Variants in IL34 observed in about 807,000 individuals in gnomAD.
IL34 encodes the protein interleukin-34.
In IL34, 17 loss-of-function variants were observed where a neutral mutation model predicts 25.3. The ratio of observed to expected loss-of-function variants is 0.67; its 90% confidence interval spans 0.46 to 1.01. The LOEUF (loss-of-function observed/expected upper bound fraction) is 1.01, where lower values mean the gene tolerates loss of function less well. Among genes scored for constraint, IL34 ranks in the 50% least tolerant of loss-of-function variants. The probability of loss-of-function intolerance (pLI) is 0.00; values close to 1 mark genes in which losing one functional copy is unlikely to be tolerated. For synonymous variants in IL34, 174 were observed against 140.9 expected, an observed-to-expected ratio of 1.23 and a Z score of -1.66; for missense variants, 368 against 312.9, an observed-to-expected ratio of 1.18 and a Z score of -1.33.
chr16:70,608,516 C>G (rs907119303), intron 1 of IL34, among the ~76,000 whole-genome samples: 1 of 152,208 alleles, frequency 6.6e-6, no homozygotes, highest in African/African-American at 2.4e-5. Flanking sequence ...GTGCCCCCAG[C>G]ACATGGTGGG....
At chr16:70,629,537 C>T (rs187004178) in intron 1 of IL34, among the ~76,000 whole-genome samples, 158 of 152,162 alleles carry the variant, frequency 1.0e-3, no homozygotes, top group South Asian at 3.7e-3. Context: ...CTACTTACAC[C>T]CTCCTGTGTA....
intron 1 of IL34, among the ~76,000 whole-genome samples, chr16:70,591,051 G>A (rs745945136): frequency 1.3e-5 from 2 of 152,212 alleles, no homozygotes; most frequent in African/African-American, 2.4e-5. Context: ...GCACTGTGGG[G>A]ACCATGCCAA....
At chr16:70,618,793 A>T (rs529327833) in intron 1 of IL34, among the ~76,000 whole-genome samples, 4 of 152,214 alleles carry the variant, frequency 2.6e-5, no homozygotes, top group South Asian at 2.1e-4. Context: ...CAGATGAGGA[A>T]GAAATTTGGG....
At chr16:70,592,421 C>A (rs1410957165) in intron 1 of IL34, among the ~76,000 whole-genome samples, 1 of 152,132 alleles carries the variant, frequency 6.6e-6, no homozygotes, top group Non-Finnish European at 1.5e-5. Flanking sequence ...ACTTTTGACT[C>A]TCATGCTGCT....
chr16:70,612,466 G>A (rs541922876), intron 1 of IL34, among the ~76,000 whole-genome samples: 1 of 152,324 alleles, frequency 6.6e-6, no homozygotes, highest in African/African-American at 2.4e-5. Context: ...CTGGATCTCA[G>A]GTAAGGCCCA....
intron 1 of IL34, among the ~76,000 whole-genome samples, chr16:70,602,817 G>A (rs1329703584): frequency 6.6e-6 from 1 of 152,066 alleles, no homozygotes; most frequent in Non-Finnish European, 1.5e-5. Context: ...TAGGACACTA[G>A]GTGTGCACCA....
At chr16:70,607,054 T>A (rs1449853643) in intron 1 of IL34, among the ~76,000 whole-genome samples, 1 of 152,208 alleles carries the variant, frequency 6.6e-6, no homozygotes, top group African/African-American at 2.4e-5. Flanking sequence ...CCTTGCTGAA[T>A]TCATTTACTA....
At chr16:70,659,484 C>A in intron 4 of IL34, 134 bp from the exon 5 acceptor site, 2 of 1,158,508 alleles carry the variant, frequency 1.7e-6, no homozygotes, top group Non-Finnish European at 2.4e-6. Flanking sequence ...AAATAGCTAT[C>A]CAGGCTCATG....
intron 2 of IL34, 37 bp from the exon 3 acceptor site, chr16:70,656,565 A>T: frequency 1.1e-6 from 1 of 918,918 alleles, no homozygotes; most frequent in Non-Finnish European, 1.8e-6. Flanking sequence ...GGTCATTTCT[A>T]CTTCTGGCCT....
chr16:70,598,978 C>T (rs2050865062), intron 1 of IL34, among the ~76,000 whole-genome samples: 1 of 152,122 alleles, frequency 6.6e-6, no homozygotes, highest in African/African-American at 2.4e-5. Context: ...GTGTAAGAGT[C>T]CATCCGGTTA....
At chr16:70,632,909 A>G (rs991394978) in intron 1 of IL34, among the ~76,000 whole-genome samples, 7 of 152,130 alleles carry the variant, frequency 4.6e-5, no homozygotes, top group African/African-American at 9.7e-5. Flanking sequence ...GCAATTTTCT[A>G]TTGTTAAAAT....
intron 1 of IL34, among the ~76,000 whole-genome samples, chr16:70,586,933 C>T (rs1372804889): frequency 3.9e-5 from 6 of 152,188 alleles, no homozygotes; most frequent in African/African-American, 1.4e-4. Context: ...TGGAGGGCCC[C>T]CTGCTTTCCT....
At chr16:70,608,869 G>A (rs1481173204) in intron 1 of IL34, among the ~76,000 whole-genome samples, 1 of 152,096 alleles carries the variant, frequency 6.6e-6, no homozygotes, top group Non-Finnish European at 1.5e-5. Context: ...CCCAGGGAAA[G>A]CTCAGGCAGC....
chr16:70,589,469 T>C (rs1354979751), intron 1 of IL34, among the ~76,000 whole-genome samples: 1 of 152,116 alleles, frequency 6.6e-6, no homozygotes, highest in Non-Finnish European at 1.5e-5. Flanking sequence ...TAGCTCCCAC[T>C]TATAAGTGAG....
intron 1 of IL34, among the ~76,000 whole-genome samples, chr16:70,621,271 C>T (rs890246048): frequency 1.3e-5 from 2 of 152,094 alleles, no homozygotes; most frequent in Admixed American, 1.3e-4. Flanking sequence ...GATTAAACAC[C>T]AAGGGAAGGC....
intron 1 of IL34, among the ~76,000 whole-genome samples, chr16:70,614,386 A>G (rs2051142676): frequency 1.3e-5 from 2 of 152,112 alleles, no homozygotes; most frequent in African/African-American, 2.4e-5. Context: ...ATGCAAGTTC[A>G]TGGGCCCCTG....
chr16:70,582,387 C>T (rs1399057839), intron 1 of IL34, among the ~76,000 whole-genome samples: 1 of 152,242 alleles, frequency 6.6e-6, no homozygotes, highest in Admixed American at 6.5e-5. Context: ...ACCTGCCCAG[C>T]CCCAGCCCGC....
At chr16:70,606,665 G>A (rs1266815143) in intron 1 of IL34, among the ~76,000 whole-genome samples, 1 of 152,040 alleles carries the variant, frequency 6.6e-6, no homozygotes, top group African/African-American at 2.4e-5. Context: ...ATGGCTCACT[G>A]CAGCCTTAAC....
chr16:70,648,572 AAAAG>A (rs1208565479), intron 1 of IL34, among the ~76,000 whole-genome samples: 8 of 150,750 alleles, frequency 5.3e-5, no homozygotes, highest in East Asian at 3.9e-4. Flanking sequence ...AAAAAAAAAA[AAAAG>A]GAGAAAAGAA....
Sources: gnomAD v4.1 joint callset for allele counts (sites outside exome capture counted in the v4.1 genomes callset) on GRCh38, gnomAD v4.1.1 for gene constraint, MANE v1.5 for transcripts, NCBI Gene and HGNC (gene_info 2026-07-23, HGNC 2026-07-21) for gene names.